B4GALT6: variants seen among roughly 807,000 people sequenced by gnomAD.
B4GALT6 encodes the protein beta-1,4-galactosyltransferase 6.
In B4GALT6, 14 loss-of-function variants were observed where a neutral mutation model predicts 46.3. That is an observed-to-expected ratio of 0.30 (90% CI 0.20 to 0.47). The LOEUF (loss-of-function observed/expected upper bound fraction) is 0.47, where lower values mean the gene tolerates loss of function less well. Ranked by LOEUF, B4GALT6 falls within the 20% of genes least tolerant of loss-of-function variation. The pLI is 0.99. For synonymous variants in B4GALT6, 168 were observed against 162.0 expected, an observed-to-expected ratio of 1.04 and a Z score of -0.28; for missense variants, 386 against 480.1, an observed-to-expected ratio of 0.80 and a Z score of 1.83.
chr18:31,632,022 T>C (rs1308267093), intron 5 of B4GALT6, among the ~76,000 whole-genome samples: 2 of 152,154 alleles, frequency 1.3e-5, no homozygotes, highest in Non-Finnish European at 2.9e-5. Flanking sequence ...AGTGAACATA[T>C]ATTAAGGTGC....
At chr18:31,712,549 T>A in the B4GALT6 span, among the ~76,000 whole-genome samples, 12 of 152,030 alleles carry the variant, frequency 7.9e-5, no homozygotes, top group Admixed American at 6.6e-4. Context: ...GTAATCTGCC[T>A]GCCTGATCCA....
At chr18:31,677,859 G>GAAAATGC (rs1329624631) in intron 1 of B4GALT6, among the ~76,000 whole-genome samples, 1 of 152,184 alleles carries the variant, frequency 6.6e-6, no homozygotes, top group East Asian at 1.9e-4. Flanking sequence ...AGGCGGCCAA[G>GAAAATGC]AAAATGGACT....
chr18:31,664,590 T>C (rs2074262393), intron 2 of B4GALT6, among the ~76,000 whole-genome samples: 1 of 151,596 alleles, frequency 6.6e-6, no homozygotes, highest in Non-Finnish European at 1.5e-5. Context: ...CATGTAATCA[T>C]TCCTCCTAAT....
At chr18:31,698,892 G>A in the B4GALT6 span, among the ~76,000 whole-genome samples, 1 of 152,016 alleles carries the variant, frequency 6.6e-6, no homozygotes. Context: ...CCAACATGGC[G>A]AAACCCTGTC....
At chr18:31,668,988 C>T (rs112773623) in intron 1 of B4GALT6, among the ~76,000 whole-genome samples, 4,179 of 151,320 alleles carry the variant, frequency 0.028, 197 homozygotes, top group African/African-American at 0.096. Flanking sequence ...TGCACTCTAG[C>T]CTGGGTGACA....
the B4GALT6 span, among the ~76,000 whole-genome samples, chr18:31,721,366 T>C: frequency 3.8e-3 from 579 of 152,254 alleles, 7 homozygotes; most frequent in African/African-American, 0.013. Flanking sequence ...TGTCAGCAAC[T>C]TCATGTTAAA....
the B4GALT6 span, chr18:31,724,335 G>T: frequency 8.5e-6 from 6 of 704,842 alleles, no homozygotes; most frequent in Non-Finnish European, 1.2e-5. Context: ...TAGTCCAGGC[G>T]GCTTAGCCTC....
At chr18:31,665,391 G>A (rs1223292452) in intron 2 of B4GALT6, among the ~76,000 whole-genome samples, 2 of 152,174 alleles carry the variant, frequency 1.3e-5, no homozygotes, top group African/African-American at 4.8e-5. Flanking sequence ...CAGCCTATTA[G>A]ATTTTAACCT....
chr18:31,652,798 G>T (rs1390813732), intron 3 of B4GALT6, among the ~76,000 whole-genome samples: 1 of 152,068 alleles, frequency 6.6e-6, no homozygotes, highest in African/African-American at 2.4e-5. Context: ...TCTCTCCAAC[G>T]CCACAGCCTT....
intron 1 of B4GALT6, among the ~76,000 whole-genome samples, chr18:31,670,000 G>T (rs1215876164): frequency 6.6e-6 from 1 of 151,666 alleles, no homozygotes; most frequent in Non-Finnish European, 1.5e-5. Context: ...ATGTTTCCTG[G>T]AAACAACTTT....
chr18:31,634,131 G>A (rs2073827144), intron 5 of B4GALT6, among the ~76,000 whole-genome samples: 1 of 152,128 alleles, frequency 6.6e-6, no homozygotes. Context: ...CCTGGCTGTT[G>A]GCTTCAAAAG....
At chr18:31,635,934 G>A (rs2073852870) in intron 5 of B4GALT6, among the ~76,000 whole-genome samples, 1 of 152,112 alleles carries the variant, frequency 6.6e-6, no homozygotes, top group Non-Finnish European at 1.5e-5. Context: ...TCAAAACTAA[G>A]GAAATAAAGC....
chr18:31,708,848 C>A, the B4GALT6 span, among the ~76,000 whole-genome samples: 3 of 151,982 alleles, frequency 2.0e-5, no homozygotes, highest in East Asian at 5.8e-4. Context: ...CTCAGGTTTT[C>A]GAATAAATGA....
At chr18:31,723,850 T>C in the B4GALT6 span, among the ~76,000 whole-genome samples, 3 of 152,108 alleles carry the variant, frequency 2.0e-5, no homozygotes, top group Non-Finnish European at 4.4e-5. Flanking sequence ...GATTTCAGCT[T>C]GGAGGAGGAA....
At chr18:31,626,555 G>A (rs149280424) in intron 7 of B4GALT6, among the ~76,000 whole-genome samples, 171 bp from the exon 8 acceptor site, 6 of 152,320 alleles carry the variant, frequency 3.9e-5, no homozygotes, top group East Asian at 1.9e-4. Context: ...CACAGCAGGA[G>A]GTGAGCGATC....
At chr18:31,720,776 C>G in the B4GALT6 span, among the ~76,000 whole-genome samples, 4 of 152,200 alleles carry the variant, frequency 2.6e-5, no homozygotes, top group Non-Finnish European at 5.9e-5. Context: ...CAGAGTTAGG[C>G]CTGTCAAGCT....
At chr18:31,678,484 A>G (rs889306257) in intron 1 of B4GALT6, among the ~76,000 whole-genome samples, 4 of 152,182 alleles carry the variant, frequency 2.6e-5, no homozygotes, top group African/African-American at 9.7e-5. Context: ...AAAATCTTCC[A>G]TTGTCCAGGG....
the B4GALT6 span, among the ~76,000 whole-genome samples, chr18:31,699,275 T>TTTC: frequency 6.3e-3 from 239 of 38,100 alleles, no homozygotes; most frequent in African/African-American, 6.9e-3. Context: ...TCTTTCTTTC[T>TTTC]TTTTTTTTTT....
chr18:31,670,124 G>A (rs1301065161), intron 1 of B4GALT6, among the ~76,000 whole-genome samples: 1 of 151,532 alleles, frequency 6.6e-6, no homozygotes, highest in Non-Finnish European at 1.5e-5. Flanking sequence ...CTCCACCTTG[G>A]CTCTCCGTAA....
Sources: gnomAD v4.1 joint callset for allele counts (sites outside exome capture counted in the v4.1 genomes callset) on GRCh38, gnomAD v4.1.1 for gene constraint, MANE v1.5 for transcripts, NCBI Gene and HGNC (gene_info 2026-07-23, HGNC 2026-07-21) for gene names.